The following DCAF5 variants were observed in gnomAD, a reference collection of about 807,000 sequenced individuals.
DCAF5 encodes DDB1 and CUL4 associated factor 5, also known as DDB1- and CUL4-associated factor 5.
Under a neutral mutation model 80.7 loss-of-function variants are expected in DCAF5, and 9 were observed. That is an observed-to-expected ratio of 0.11 (90% CI 0.07 to 0.19). The LOEUF is 0.19. Ranked by LOEUF, DCAF5 falls within the 10% of genes least tolerant of loss-of-function variation. The pLI is 1.00. For missense variants in DCAF5, 842 were observed against 1,205.7 expected, an observed-to-expected ratio of 0.70 and a Z score of 4.47; for synonymous variants, 433 against 461.9, an observed-to-expected ratio of 0.94 and a Z score of 0.80.
At chr14:69,083,966 A>C (rs1189273671) in intron 6 of DCAF5, 1 of 781,444 alleles carries the variant, frequency 1.3e-6, no homozygotes, top group Non-Finnish European at 2.4e-6. Context: ...CAATAAAAGA[A>C]ATGGGTTTTA....
rs529547934 is a variant in DCAF5 at position 69,143,164 on chromosome 14, C to T, written c.214+9601G>A. Among the ~76,000 whole-genome samples, 4 of 152,154 alleles carry T rather than the reference C, an allele frequency of 2.6e-5. No homozygotes were observed. The East Asian group carries it at 5.8e-4, about 22-fold the overall frequency. On this transcript the variant is annotated intron_variant, in intron 1 of 8. Transcript: ENST00000341516. ...CCACTCCCATCTTCACAATTCCACCCGTCATCCTCCACTTACATATAAAAG... is the reference window on the plus strand; with the variant it reads ...CCACTCCCATCTTCACAATTCCACCTGTCATCCTCCACTTACATATAAAAG...
intron 1 of DCAF5, among the ~76,000 whole-genome samples, chr14:69,151,839 G>A (rs1261375021): frequency 1.3e-5 from 2 of 152,258 alleles, no homozygotes; most frequent in East Asian, 1.9e-4. Flanking sequence ...CCGGGAGAGC[G>A]AGGCCTACAC....
intron 1 of DCAF5, among the ~76,000 whole-genome samples, chr14:69,133,265 T>C (rs1382862446): frequency 1.3e-5 from 2 of 152,156 alleles, no homozygotes; most frequent in African/African-American, 2.4e-5. Context: ...GAAACCATGC[T>C]CCTTACCATG....
chr14:69,140,789 ACT>A (rs1236880619), intron 1 of DCAF5, among the ~76,000 whole-genome samples: 1 of 151,974 alleles, frequency 6.6e-6, no homozygotes, highest in African/African-American at 2.4e-5. Flanking sequence ...CTAACTAACC[ACT>A]CTGCTTCTCA....
At chr14:69,147,950 C>A (rs1238829902) in intron 1 of DCAF5, among the ~76,000 whole-genome samples, 1 of 151,994 alleles carries the variant, frequency 6.6e-6, no homozygotes, top group African/African-American at 2.4e-5. Context: ...TTCCAAAGAG[C>A]CAAATCTTTG....
intron 6 of DCAF5, among the ~76,000 whole-genome samples, chr14:69,081,390 T>A (rs1169149944): frequency 6.6e-6 from 1 of 152,222 alleles, no homozygotes; most frequent in Non-Finnish European, 1.5e-5. Flanking sequence ...ATCCATAATC[T>A]TTCCCAGCTG....
intron 5 of DCAF5, among the ~76,000 whole-genome samples, chr14:69,103,106 G>A (rs1595002275): frequency 2.0e-5 from 3 of 152,276 alleles, no homozygotes; most frequent in East Asian, 1.9e-4. Context: ...ACATCATTAT[G>A]CAGAACACAC....
chr14:69,062,885 T>G (rs1437249493), intron 7 of DCAF5, among the ~76,000 whole-genome samples: 2 of 152,154 alleles, frequency 1.3e-5, no homozygotes, highest in Non-Finnish European at 2.9e-5. Context: ...TGGGAATAGT[T>G]AGGCAGCTGG....
At chr14:69,091,637 G>A (rs1450998563) in intron 6 of DCAF5, 37 bp downstream of exon 6, 2 of 1,565,110 alleles carry the variant, frequency 1.3e-6, no homozygotes, top group Middle Eastern at 1.7e-4. Flanking sequence ...AGAAAGAAAA[G>A]CATAAGTGTG....
intron 7 of DCAF5, among the ~76,000 whole-genome samples, chr14:69,066,382 G>A (rs544804185): frequency 1.3e-5 from 2 of 152,036 alleles, no homozygotes; most frequent in Admixed American, 6.6e-5. Context: ...TAATCTGCCC[G>A]CCTTGGCCTC....
chr14:69,105,944 T>TA lies in DCAF5; in HGVS notation c.665+10421dup, dbSNP rs1555374842. On this transcript the variant is annotated intron_variant, in intron 5 of 8. Transcript: ENST00000341516. ...ATATATATATATATATATATATATA[T>TA]ATCTCCTATTGGTTCTGTTCCTCTG... Among the ~76,000 whole-genome samples the TA allele has an allele frequency of 5.4e-4, 46 of 85,224 alleles. 11 individuals are homozygous for TA. Among genetic ancestry groups the TA allele is most frequent in the Admixed American group, 2.1e-3 (18 of 8,434 alleles). 55.9% of individuals were successfully genotyped at this position (85,224 alleles called of 152,430 possible). A position where few individuals can be genotyped will look rare whatever the true frequency, so the allele number is the denominator to read the frequency against.
chr14:69,058,195 A>T (rs1364815008), intron 8 of DCAF5, among the ~76,000 whole-genome samples: 3 of 152,180 alleles, frequency 2.0e-5, no homozygotes, highest in Non-Finnish European at 4.4e-5. Context: ...CTCAGAAGTG[A>T]ATCAATGAAA....
At position 69,054,465 on chromosome 14, in the gene DCAF5, G is replaced by T; in HGVS notation, c.2221C>A (p.Pro741Thr). The change falls in exon 9 of 9, where the codon CCC (proline) becomes ACC (threonine). Residue 741 changes from proline (P) to threonine (T), a missense_variant. Around this residue, in one of 5 missense-constraint regions of DCAF5, gnomAD observed 607 missense variants for 656.6 expected, o/e 0.92. Transcript: ENST00000341516. ...DTFKEETPRT[P>T]SNGPGHEHSS... Reference sequence around the variant, plus strand: ...TGCTCATGGCCTGGGCCATTGCTGGGAGTTCTAGGAGTCTCTTCTTTAAAA... The same window carrying T: ...TGCTCATGGCCTGGGCCATTGCTGGTAGTTCTAGGAGTCTCTTCTTTAAAA... The T allele has an allele frequency of 6.2e-7, 1 of 1,614,064 alleles. No homozygotes were observed. The highest frequency in any genetic ancestry group is 8.5e-7 in the Non-Finnish European group (1 of 1,180,024).
intron 5 of DCAF5, among the ~76,000 whole-genome samples, chr14:69,109,564 TCA>T (rs973598446): frequency 1.3e-5 from 2 of 152,170 alleles, no homozygotes; most frequent in Non-Finnish European, 2.9e-5. Context: ...GCAAATGGAA[TCA>T]CAGAGATTCT....
At chr14:69,105,803 G>GGCTTTCA in intron 5 of DCAF5, among the ~76,000 whole-genome samples, 1 of 149,782 alleles carries the variant, frequency 6.7e-6, no homozygotes, top group East Asian at 2.0e-4. Context: ...CTGGTTTTGA[G>GGCTTTCA]GCTTTCAGAC....
chr14:69,064,768 T>C (rs1335696483), intron 7 of DCAF5, among the ~76,000 whole-genome samples: 2 of 152,214 alleles, frequency 1.3e-5, no homozygotes, highest in African/African-American at 4.8e-5. Context: ...ATGATGAGAA[T>C]AGAACTGGAT....
intron 5 of DCAF5, among the ~76,000 whole-genome samples, chr14:69,101,420 G>A (rs2039947575): frequency 6.6e-6 from 1 of 152,176 alleles, no homozygotes; most frequent in African/African-American, 2.4e-5. Context: ...CATGAACAGT[G>A]CTGTAATAAG....
intron 7 of DCAF5, among the ~76,000 whole-genome samples, chr14:69,073,785 C>T (rs1020171802): frequency 1.5e-4 from 23 of 152,116 alleles, no homozygotes; most frequent in African/African-American, 5.1e-4. Flanking sequence ...AAGGATTATC[C>T]ACATTCTATT....
intron 6 of DCAF5, among the ~76,000 whole-genome samples, chr14:69,081,875 C>T (rs1239564015): frequency 1.3e-5 from 2 of 152,198 alleles, no homozygotes; most frequent in Non-Finnish European, 2.9e-5. Flanking sequence ...TACTGATCAA[C>T]TTACCCAGTT....
Sources: gnomAD v4.1 joint callset for allele counts (sites outside exome capture counted in the v4.1 genomes callset) on GRCh38, gnomAD v4.1.1 for gene constraint, gnomAD v4.1.1 regional missense constraint, MANE v1.5 for transcripts, NCBI Gene and HGNC (gene_info 2026-07-23, HGNC 2026-07-21) for gene names.